TRIP10: variants seen among roughly 807,000 people sequenced by gnomAD.
TRIP10 encodes cdc42-interacting protein 4.
In TRIP10, 54 loss-of-function variants were observed where a neutral mutation model predicts 80.9. That is an observed-to-expected ratio of 0.67 (90% confidence interval 0.54 to 0.84). TRIP10 has a LOEUF of 0.84. Ranked by LOEUF, TRIP10 falls within the 40% of genes least tolerant of loss-of-function variation. The pLI is 0.00. For synonymous variants in TRIP10, 321 were observed against 307.2 expected (o/e 1.04, Z -0.47); for missense variants, 773 against 815.3 (o/e 0.95, Z 0.63).
chr19:6,743,143 A>C, intron 4 of TRIP10, 29 bp downstream of exon 4: 1 of 1,614,094 alleles, frequency 6.2e-7, no homozygotes, highest in Non-Finnish European at 8.5e-7. Flanking sequence ...CAGGTTTTAC[A>C]AAGGGCTTCT....
chr19:6,740,878 G>A, intron 1 of TRIP10, 132 bp from the exon 2 acceptor site: 1 of 728,420 alleles, frequency 1.4e-6, no homozygotes, highest in Non-Finnish European at 2.2e-6. Flanking sequence ...ACGCCGGGGC[G>A]GCGCCGGGAA....
In TRIP10 at chr19:6,751,484, GA is replaced by G. The variant is rs796109489; in HGVS notation, c.*285del. 40,115 of 492,126 alleles carry G rather than the reference GA, an allele frequency of 0.082. 68 individuals are homozygous for G. The highest frequency in any genetic ancestry group is 0.12 in the Middle Eastern group (167 of 1,416). 30.5% of individuals were successfully genotyped at this position (492,126 alleles called of 1,614,324 possible). A position where few individuals can be genotyped will look rare whatever the true frequency, so the allele number is the denominator to read the frequency against. On this transcript the variant is annotated 3_prime_UTR_variant, in exon 15 of 15. Transcript: ENST00000313244. ...GCCATTTTGTTTTATACAAAAATGG[GA>G]AAAAAAAAAAAGAAATTATATAAAG...
In TRIP10 at chr19:6,745,912, TTGCGTCCATCCGTCCATCCG is replaced by T. The variant is rs1374635938; in HGVS notation, c.985-105_985-86del. ...ATTTTGTTTTTCCTTTTTCCTTTTT[TTGCGTCCATCCGTCCATCCG>T]TGCGTCCATCCCTCCGTCCATTCGT... On this transcript the variant is annotated intron_variant, in intron 9 of 14. Transcript: ENST00000313244. This position sits in a 1 kb window ranked among gnomAD's most constrained non-coding sequence, Gnocchi z 7.2. 1.6e-6 allele frequency: 2 copies of T among 1,262,138 alleles called. No individual in the cohort carries two copies. The highest frequency in any genetic ancestry group is 3.1e-5 in the African/African-American group (2 of 65,136). The allele number at this position is 1,262,138 out of a possible 1,614,324, so 78.2% of individuals were successfully genotyped here.
chr19:6,751,005 A>T (rs1969285437), intron 14 of TRIP10, 58 bp from the exon 15 acceptor site: 2 of 1,465,032 alleles, frequency 1.4e-6, no homozygotes, highest in Admixed American at 5.1e-5. Flanking sequence ...AAAATAAAAA[A>T]TAAAAATAAT....
intron 3 of TRIP10, among the ~76,000 whole-genome samples, chr19:6,741,904 G>A (rs969097631): frequency 3.3e-5 from 5 of 151,798 alleles, no homozygotes; most frequent in Non-Finnish European, 5.9e-5. Flanking sequence ...TGCAACTTCC[G>A]CCTCCCAGGT....
intron 11 of TRIP10, chr19:6,748,768 G>A (rs1401453382): frequency 1.3e-5 from 2 of 152,140 alleles, no homozygotes; most frequent in Non-Finnish European, 2.9e-5. Context: ...ATTCCAGCCT[G>A]GGCGACAGAG....
Position 6,744,689 on chromosome 19 carries a change from G to A in TRIP10, c.778G>A (p.Asp260Asn), listed in dbSNP as rs764626879. The A allele has an allele frequency of 3.1e-6, 5 of 1,602,812 alleles. No homozygotes were observed. Among genetic ancestry groups the A allele is most frequent in the Non-Finnish European group, 4.3e-6 (5 of 1,173,660 alleles). Residue 260 changes from aspartate (D) to asparagine (N), a missense_variant, in exon 8 of 15, where the codon GAT (aspartate) becomes AAT (asparagine). Transcript: ENST00000313244. The surrounding 1 kb of genome is among the most constrained non-coding windows in gnomAD (Gnocchi z 4.9). ...EGMKVAANAV[D>N]PKNDSHVLIE... ...CATGAAGGTGGCTGCAAATGCTGTG[G>A]ATCCCAAGAACGTGGGTGCCTGGTC... is the stretch of plus-strand genomic sequence containing the variant.
Position 6,741,042 on chromosome 19 carries a change from G to A in TRIP10, c.57G>A (p.Gln19=). Residue 19 remains glutamine (Q), a synonymous_variant, in exon 2 of 15, where the codon CAG becomes CAA. Coordinates refer to ENST00000313244, the MANE Select transcript of TRIP10 (RefSeq NM_001288962.2). ...TCGAGGTGCTCGAGCGCCACACGCAGTGGGGGCTGGACCTGTTGGACAGAT... is the reference window on the plus strand; with the variant it reads ...TCGAGGTGCTCGAGCGCCACACGCAATGGGGGCTGGACCTGTTGGACAGAT... ...DQFEVLERHT[Q]WGLDLLDRYV... 6.2e-7 allele frequency: 1 copy of A among 1,613,952 alleles called. No individual in the cohort carries two copies. Among genetic ancestry groups the A allele is most frequent in the Non-Finnish European group, 8.5e-7 (1 of 1,179,896 alleles).
At position 6,746,938 on chromosome 19, in the gene TRIP10, G is replaced by A. The variant is rs2145547947; in HGVS notation, c.1262+377G>A. 6.6e-6 allele frequency among the ~76,000 whole-genome samples: 1 copy of A among 152,172 alleles called. No homozygotes were observed. Among genetic ancestry groups the A allele is most frequent in the African/African-American group, 2.4e-5 (1 of 41,518 alleles). ...GATTATAGGCATGAGCCACTGCCCGGGTCTGTAAATGAATGACATTTAAAT... is the reference window on the plus strand; with the variant it reads ...GATTATAGGCATGAGCCACTGCCCGAGTCTGTAAATGAATGACATTTAAAT... On this transcript the variant is annotated intron_variant, in intron 11 of 14. Coordinates refer to ENST00000313244, the MANE Select transcript of TRIP10 (RefSeq NM_001288962.2). The surrounding 1 kb of genome is among the most constrained non-coding windows in gnomAD (Gnocchi z 6.2).
In TRIP10 at chr19:6,742,977, C is replaced by A; in HGVS notation, c.208C>A (p.Gln70Lys). The change falls in exon 4 of 15, where the codon CAA (glutamine) becomes AAA (lysine). Residue 70 changes from glutamine to lysine, a missense_variant. Physicochemically the swap from Gln to Lys is moderately conservative, Grantham distance 53 (BLOSUM62 1). Coordinates refer to ENST00000313244, the MANE Select transcript of TRIP10 (RefSeq NM_001288962.2). ...KDDPESKFSQ[Q>K]QSFVQILQEV... is the part of the protein sequence containing the mutation. ...CTCATCCAACCCCAGATTCAGCCAG[C>A]AACAGTCCTTCGTACAGATTCTCCA... 1 of 1,614,090 alleles carries A rather than the reference C, an allele frequency of 6.2e-7. No individual in the cohort carries two copies. Among genetic ancestry groups the A allele is most frequent in the South Asian group, 1.1e-5 (1 of 91,046 alleles).
rs899971933 is a variant in TRIP10, at chr19:6,745,870, GT to G, written c.985-151del. On this transcript the variant is annotated intron_variant, in intron 9 of 14. Transcript: ENST00000313244. The surrounding 1 kb of genome is among the most constrained non-coding windows in gnomAD (Gnocchi z 7.2). ...CATCTTGAGTTGTGGTTTTCTTACC[GT>G]TTTTTTTCTTTCTCCATTTTGTTTT... 31 of 984,878 alleles carry G rather than the reference GT, an allele frequency of 3.1e-5. No homozygotes were observed. Among genetic ancestry groups the G allele is most frequent in the East Asian group, 1.1e-4 (1 of 8,802 alleles). 61.0% of individuals were successfully genotyped at this position (984,878 alleles called of 1,614,324 possible).
rs1484132461 is a variant in TRIP10, at chr19:6,750,453, G to A, written c.1535+22G>A. On this transcript the variant is annotated intron_variant, in intron 13 of 14. Transcript: ENST00000313244. ...AGAGGTGAGGGGTGACGTCAGAGTGGGTCTGTTCCCAGGGTCCCAGGAGGG... is the reference window on the plus strand; with the variant it reads ...AGAGGTGAGGGGTGACGTCAGAGTGAGTCTGTTCCCAGGGTCCCAGGAGGG... 4 of 1,613,916 alleles carry A rather than the reference G, an allele frequency of 2.5e-6. No homozygotes were observed. In the South Asian group the frequency reaches 3.3e-5, roughly 13 times the overall value.
chr19:6,750,735 C>G (rs992212653), intron 14 of TRIP10, 102 bp downstream of exon 14: 17 of 1,506,348 alleles, frequency 1.1e-5, no homozygotes, highest in Non-Finnish European at 1.5e-5. Flanking sequence ...GTGGCTCAGG[C>G]TTGTAATCCC....
At position 6,745,150 on chromosome 19, in the gene TRIP10, C is replaced by CAG; in HGVS notation, c.984+156_984+157insAG. 35 of 1,114,342 alleles carry CAG rather than the reference C, an allele frequency of 3.1e-5. No individual in the cohort carries two copies. The highest frequency in any genetic ancestry group is 4.1e-5 in the Non-Finnish European group (33 of 810,944). The allele number at this position is 1,114,342 out of a possible 1,614,324, so 69.0% of individuals were successfully genotyped here. A position where few individuals can be genotyped will look rare whatever the true frequency, so the allele number is the denominator to read the frequency against. On this transcript the variant is annotated intron_variant, in intron 9 of 14. Coordinates refer to ENST00000313244, the MANE Select transcript of TRIP10 (RefSeq NM_001288962.2). The surrounding 1 kb of genome is among the most constrained non-coding windows in gnomAD (Gnocchi z 7.2). ...CCGGACTGGAGGGAAGGAAGGCGGCCGATTGGCCTGGGAGTCCCCCGAGGC... is the reference window on the plus strand; with the variant it reads ...CCGGACTGGAGGGAAGGAAGGCGGCCAGGATTGGCCTGGGAGTCCCCCGAGGC...
rs1464768146 is a variant in TRIP10, at chr19:6,750,514, C to G, written c.1538C>G (p.Ser513Cys). ...NSASQDTKES[S>C]EEPPSEESQD... ...TCTGCCGAATTATCCCCAAACAGCTCTGAAGAGCCTCCCTCAGAAGAGAGC... is the reference window on the plus strand; with the variant it reads ...TCTGCCGAATTATCCCCAAACAGCTGTGAAGAGCCTCCCTCAGAAGAGAGC... Residue 513 changes from serine (S) to cysteine (C), a missense_variant and splice_region_variant, in exon 14 of 15, where the codon TCT becomes TGT. Physicochemically the swap from Ser to Cys is moderately radical, Grantham distance 112. Transcript: ENST00000313244. 10 of 1,614,020 alleles carry G rather than the reference C, an allele frequency of 6.2e-6. No individual in the cohort carries two copies. The African/African-American group carries it at 1.2e-4, about 19-fold the overall frequency.
intron 2 of TRIP10, 49 bp from the exon 3 acceptor site, chr19:6,741,176 G>A (rs200262761): frequency 6.2e-7 from 1 of 1,613,614 alleles, no homozygotes; most frequent in Non-Finnish European, 8.5e-7. Flanking sequence ...GCGACGGGGA[G>A]CGGTGGGAGG....
intron 11 of TRIP10, among the ~76,000 whole-genome samples, chr19:6,747,697 G>A (rs928986757): frequency 6.6e-6 from 1 of 152,080 alleles, no homozygotes; most frequent in African/African-American, 2.4e-5. Flanking sequence ...GGAGGCTGAG[G>A]TGGGAGAATC....
chr19:6,745,079 C>T lies in TRIP10; in HGVS notation c.984+85C>T. 1.4e-6 allele frequency: 2 copies of T among 1,478,064 alleles called. No individual in the cohort carries two copies. Among genetic ancestry groups the T allele is most frequent in the Middle Eastern group, 2.4e-4 (1 of 4,084 alleles). The allele number at this position is 1,478,064 out of a possible 1,614,324, so 91.6% of individuals were successfully genotyped here. On this transcript the variant is annotated intron_variant, in intron 9 of 14. Coordinates refer to ENST00000313244, the MANE Select transcript of TRIP10 (RefSeq NM_001288962.2). The surrounding 1 kb of genome is among the most constrained non-coding windows in gnomAD (Gnocchi z 7.2). ...GCCCCTATTGAGTCAGCCCCAGCCGCCTGAACGCCGAGTCTCGGGCAGGAA... is the reference window on the plus strand; with the variant it reads ...GCCCCTATTGAGTCAGCCCCAGCCGTCTGAACGCCGAGTCTCGGGCAGGAA...
intron 11 of TRIP10, among the ~76,000 whole-genome samples, chr19:6,749,332 A>G (rs1969216464): frequency 6.6e-6 from 1 of 152,216 alleles, no homozygotes; most frequent in African/African-American, 2.4e-5. Context: ...CTTACTAGGT[A>G]TCAGGCATTG....
Sources: allele counts gnomAD v4.1 joint callset (sites outside exome capture counted in the v4.1 genomes callset), GRCh38; gene constraint gnomAD v4.1.1; non-coding constraint Gnocchi (gnomAD v3.1); transcripts MANE v1.5; gene names NCBI Gene and HGNC (gene_info 2026-07-23, HGNC 2026-07-21).